Variants in DMD observed in about 807,000 individuals in gnomAD.
DMD encodes mutant dystrophin.
In DMD, 63 loss-of-function variants were observed where a neutral mutation model predicts 330.1. The ratio of observed to expected loss-of-function variants is 0.19; its 90% CI spans 0.16 to 0.24. The LOEUF is 0.24. Ranked by LOEUF, DMD falls within the 10% of genes least tolerant of loss-of-function variation. The pLI is 1.00. For synonymous variants in DMD, 1,223 were observed against 959.8 expected (o/e 1.27, Z -5.07); for missense variants, 3,344 against 2,684.1 (o/e 1.25, Z -5.43).
At position 31,852,074 on chromosome X, in the gene DMD, G is replaced by C. The variant is rs985680542; in HGVS notation, c.7099-15255C>G. On this transcript the variant is annotated intron_variant, in intron 48 of 78. Coordinates refer to ENST00000357033, the MANE Select transcript of DMD (RefSeq NM_004006.3). Reference sequence around the variant, plus strand: ...GAGAGTAGTAGGAATGATAGTCATAGAGTTGGGGATGGAGGAGGATAGGTC... The same window carrying C: ...GAGAGTAGTAGGAATGATAGTCATACAGTTGGGGATGGAGGAGGATAGGTC... Among the ~76,000 whole-genome samples, 4 of 111,193 alleles carry C rather than the reference G, an allele frequency of 3.6e-5. No individual in the cohort carries two copies. The Admixed American group carries it at 3.8e-4, about 11-fold the overall frequency.
rs765575886 is a variant in DMD, at chrX:32,413,509, CT to C, written c.4072-1597del. Among the ~76,000 whole-genome samples the C allele has an allele frequency of 5.8e-3, 642 of 109,842 alleles. 1 individual carries two copies. Among genetic ancestry groups the C allele is most frequent in the South Asian group, 0.039 (102 of 2,583 alleles). Reference sequence around the variant, plus strand: ...ATAGTTCTTGATTCCAATCTTTTCTCTCTCTCTCCATTGTCTTTACTCTAGT... The same window carrying C: ...ATAGTTCTTGATTCCAATCTTTTCTCCTCTCTCCATTGTCTTTACTCTAGT... On this transcript the variant is annotated intron_variant, in intron 29 of 78. Coordinates refer to ENST00000357033, the MANE Select transcript of DMD (RefSeq NM_004006.3).
chrX:32,241,974 C>T (rs780591578), intron 43 of DMD, among the ~76,000 whole-genome samples: 3 of 111,273 alleles, frequency 2.7e-5, no homozygotes, highest in Non-Finnish European at 5.7e-5. Context: ...TCAACCCAGC[C>T]GGTTCTATAC....
At chrX:31,279,102 T>G (rs1292555743) in intron 62 of DMD, among the ~76,000 whole-genome samples, 1 of 112,187 alleles carries the variant, frequency 8.9e-6, no homozygotes, top group Non-Finnish European at 1.9e-5. Flanking sequence ...TTTCAGTATT[T>G]AATCACAGCA....
chrX:31,795,953 T>G (rs1252546661), intron 50 of DMD, among the ~76,000 whole-genome samples: 6 of 111,730 alleles, frequency 5.4e-5, no homozygotes, highest in Non-Finnish European at 1.1e-4. Context: ...CAATTGGTGA[T>G]TAGGGAGTTA....
intron 43 of DMD, among the ~76,000 whole-genome samples, chrX:32,233,599 TTTTATTTATTTA>T (rs767364915): frequency 0.063 from 5,576 of 87,857 alleles, 177 homozygotes; most frequent in Non-Finnish European, 0.078. Context: ...TTTCTTTTTC[TTTTATTTATTTA>T]TTTATTTATT....
intron 30 of DMD, among the ~76,000 whole-genome samples, chrX:32,403,305 T>A (rs1411725915): frequency 9.0e-6 from 1 of 111,295 alleles, no homozygotes; most frequent in Non-Finnish European, 1.9e-5. Flanking sequence ...ATATTCAGAG[T>A]GTTGCAATAG....
In DMD at chrX:32,645,601, G is replaced by A. The variant is rs531098651; in HGVS notation, c.961-449C>T. 1.3e-4 allele frequency among the ~76,000 whole-genome samples: 15 copies of A among 111,206 alleles called. No homozygotes were observed. In the South Asian group the frequency reaches 5.6e-3, roughly 42 times the overall value. On this transcript the variant is annotated intron_variant, in intron 9 of 78. Coordinates refer to ENST00000357033, the MANE Select transcript of DMD (RefSeq NM_004006.3). ...AATGAAATATTTCCAAATATTTACAGACCAGTAAAGGCATCAGTAAGAAAA... is the reference window on the plus strand; with the variant it reads ...AATGAAATATTTCCAAATATTTACAAACCAGTAAAGGCATCAGTAAGAAAA...
intron 44 of DMD, among the ~76,000 whole-genome samples, chrX:32,133,042 C>CATCG (rs752135594): frequency 4.4e-5 from 4 of 91,737 alleles, no homozygotes; most frequent in Admixed American, 1.4e-4. Flanking sequence ...AGTCTCGCTC[C>CATCG]ATCGCCCAGG....
At chrX:31,266,388 C>A (rs1043305140) in intron 62 of DMD, among the ~76,000 whole-genome samples, 3 of 111,738 alleles carry the variant, frequency 2.7e-5, no homozygotes, top group Admixed American at 9.4e-5. Context: ...TGGAAGGTAG[C>A]GCCGCGTGCG....
chrX:32,322,584 AAATAAAAT>A (rs1346122790), intron 41 of DMD, among the ~76,000 whole-genome samples: 2 of 111,414 alleles, frequency 1.8e-5, no homozygotes, highest in African/African-American at 6.5e-5. Flanking sequence ...AAATAAAATA[AAATAAAAT>A]AATAAACAGG....
intron 44 of DMD, among the ~76,000 whole-genome samples, chrX:32,081,458 C>G (rs2096390737): frequency 8.9e-6 from 1 of 112,398 alleles, no homozygotes; most frequent in Admixed American, 9.4e-5. Flanking sequence ...GCCTGCATTA[C>G]AGCTCAACTT....
chrX:32,944,509 T>G (rs777898245), intron 2 of DMD, among the ~76,000 whole-genome samples: 1 of 111,865 alleles, frequency 8.9e-6, no homozygotes, highest in Non-Finnish European at 1.9e-5. Flanking sequence ...TCCATCTCTA[T>G]CCACTGATTT....
intron 56 of DMD, among the ~76,000 whole-genome samples, chrX:31,503,821 G>A (rs1001976381): frequency 5.4e-5 from 6 of 110,775 alleles, no homozygotes; most frequent in Non-Finnish European, 1.1e-4. Context: ...GAGAATCTAT[G>A]TTGGGGAGTA....
At chrX:31,518,396 G>A (rs1038189948) in intron 55 of DMD, among the ~76,000 whole-genome samples, 2 of 93,054 alleles carry the variant, frequency 2.1e-5, no homozygotes, top group Non-Finnish European at 4.2e-5. Context: ...ATAATTGGGT[G>A]AGCATTTCCT....
chrX:32,339,715 T>C (rs1172362270), intron 41 of DMD, among the ~76,000 whole-genome samples: 1 of 112,122 alleles, frequency 8.9e-6, no homozygotes, highest in African/African-American at 3.2e-5. Context: ...AATTTTTCAT[T>C]TTAAACTCAC....
chrX:32,075,772 C>A (rs753341954), intron 44 of DMD, among the ~76,000 whole-genome samples: 2 of 109,350 alleles, frequency 1.8e-5, no homozygotes, highest in Non-Finnish European at 1.9e-5. Flanking sequence ...TTTAGGGATG[C>A]GCGCAGCAGC....
intron 2 of DMD, among the ~76,000 whole-genome samples, chrX:32,958,622 T>G (rs2091728965): frequency 8.9e-6 from 1 of 111,944 alleles, no homozygotes. Context: ...TACCTTTAAC[T>G]AAAATGTTTA....
intron 63 of DMD, among the ~76,000 whole-genome samples, chrX:31,241,697 T>C (rs2048312133): frequency 9.0e-6 from 1 of 111,169 alleles, no homozygotes; most frequent in Admixed American, 9.6e-5. Context: ...TCACGTTCCC[T>C]TTTCCTTCCC....
intron 25 of DMD, among the ~76,000 whole-genome samples, chrX:32,456,441 C>T (rs372392734): frequency 5.4e-5 from 6 of 110,873 alleles, no homozygotes; most frequent in African/African-American, 2.0e-4. Context: ...TTAAGAAATC[C>T]TGCTGCTAAA....
Sources: allele counts gnomAD v4.1 joint callset (sites outside exome capture counted in the v4.1 genomes callset), GRCh38; gene constraint gnomAD v4.1.1; transcripts MANE v1.5; gene names NCBI Gene and HGNC (gene_info 2026-07-23, HGNC 2026-07-21).